Variants in CELF4 observed in about 807,000 individuals in gnomAD.
The protein encoded by CELF4 is CUGBP Elav-like family member 4, also known as CUG-BP- and ETR-3-like factor 4.
A neutral mutation model predicts 59.9 loss-of-function variants in CELF4; 18 were observed. That is an observed-to-expected ratio of 0.30 (90% CI 0.21 to 0.45). The LOEUF is 0.45. Among genes scored for constraint, CELF4 ranks in the 20% least tolerant of loss-of-function variants. The pLI is 1.00. For synonymous variants in CELF4, 261 were observed against 267.1 expected, an observed-to-expected ratio of 0.98 and a Z score of 0.22; for missense variants, 456 against 689.0, an observed-to-expected ratio of 0.66 and a Z score of 3.79.
intron 2 of CELF4, among the ~76,000 whole-genome samples, chr18:37,353,457 G>A (rs1483890395): frequency 6.6e-6 from 1 of 151,370 alleles, no homozygotes; most frequent in Non-Finnish European, 1.5e-5. Flanking sequence ...GGAGGTTGGT[G>A]TGGAGCTGGG....
Position 37,497,842 on chromosome 18 carries a change from C to T in CELF4, c.287-12235G>A, listed in dbSNP as rs144533696. Reference sequence around the variant, plus strand: ...ATTGTTCTAAGGGCTTTATATGTTTCGACTCATTTAATGTAAGTCTATAAA... The same window carrying T: ...ATTGTTCTAAGGGCTTTATATGTTTTGACTCATTTAATGTAAGTCTATAAA... On this transcript the variant is annotated intron_variant, in intron 1 of 12. Coordinates refer to ENST00000420428, the MANE Select transcript of CELF4 (RefSeq NM_020180.4). Among the ~76,000 whole-genome samples the T allele has an allele frequency of 1.2e-4, 18 of 152,174 alleles. No individual in the cohort carries two copies. In the East Asian group the frequency reaches 1.4e-3, roughly 11 times the overall value.
intron 1 of CELF4, among the ~76,000 whole-genome samples, chr18:37,521,617 T>G (rs1211379278): frequency 2.6e-5 from 4 of 152,224 alleles, no homozygotes; most frequent in Admixed American, 2.6e-4. Context: ...ATGCAAATCT[T>G]GATGCCCACA....
chr18:37,406,140 AT>A lies in CELF4; in HGVS notation c.369+79384del, dbSNP rs954629062. On this transcript the variant is annotated intron_variant, in intron 2 of 12. Coordinates refer to ENST00000420428, the MANE Select transcript of CELF4 (RefSeq NM_020180.4). ...GTGTTTGGTGCCCTGCTCCATTTTT[AT>A]TTTTTTTTAAACTCCCCTGCAGCCC... 1.6e-3 allele frequency among the ~76,000 whole-genome samples: 242 copies of A among 151,026 alleles called. 1 individual carries two copies. Among genetic ancestry groups the A allele is most frequent in the African/African-American group, 5.5e-3 (225 of 41,118 alleles).
rs141801918 is a variant in CELF4 at position 37,321,535 on chromosome 18, G to C, written c.448+268C>G. On this transcript the variant is annotated intron_variant, in intron 3 of 12. Coordinates refer to ENST00000420428, the MANE Select transcript of CELF4 (RefSeq NM_020180.4). ...ACCCTTTTGGGTGTTTTAATGGAGG[G>C]GAGAAGAATATCCTGGGACATGGCA... is the stretch of plus-strand genomic sequence containing the variant. Among the ~76,000 whole-genome samples the C allele has an allele frequency of 1.2e-3, 179 of 152,316 alleles. 1 individual carries two copies. The highest frequency in any genetic ancestry group is 3.9e-3 in the African/African-American group (161 of 41,572).
intron 2 of CELF4, among the ~76,000 whole-genome samples, chr18:37,340,187 G>A (rs866158096): frequency 6.6e-6 from 1 of 152,198 alleles, no homozygotes; most frequent in African/African-American, 2.4e-5. Context: ...AAATCTTGCC[G>A]AAGTGCAGCC....
intron 2 of CELF4, among the ~76,000 whole-genome samples, chr18:37,418,641 G>A (rs573626600): frequency 3.6e-4 from 55 of 152,310 alleles, no homozygotes; most frequent in African/African-American, 1.3e-3. Context: ...ACTTGGCCTC[G>A]CTTACATTTT....
chr18:37,446,840 A>G (rs1489550458), intron 2 of CELF4, among the ~76,000 whole-genome samples: 1 of 152,160 alleles, frequency 6.6e-6, no homozygotes, highest in Non-Finnish European at 1.5e-5. Context: ...CAATTAAGTC[A>G]GTACCACATT....
chr18:37,294,820 T>C (rs2095547106), intron 3 of CELF4, among the ~76,000 whole-genome samples: 1 of 152,210 alleles, frequency 6.6e-6, no homozygotes, highest in Non-Finnish European at 1.5e-5. Context: ...GGGGCCAGAT[T>C]TGATCTCCTT....
chr18:37,430,779 T>C (rs2099644486), intron 2 of CELF4, among the ~76,000 whole-genome samples: 1 of 152,162 alleles, frequency 6.6e-6, no homozygotes, highest in Non-Finnish European at 1.5e-5. Context: ...TCTAGTTGTG[T>C]CTCCCAGGGC....
intron 2 of CELF4, among the ~76,000 whole-genome samples, chr18:37,364,810 G>GA: frequency 6.6e-6 from 1 of 152,314 alleles, no homozygotes; most frequent in East Asian, 1.9e-4. Flanking sequence ...TGGGGTATGG[G>GA]AAAATAGAAA....
intron 3 of CELF4, among the ~76,000 whole-genome samples, chr18:37,281,648 A>C (rs2094152742): frequency 6.6e-6 from 1 of 152,182 alleles, no homozygotes; most frequent in African/African-American, 2.4e-5. Context: ...CCAGATATTC[A>C]TGATGACAGA....
At chr18:37,512,296 C>T (rs1603643098) in intron 1 of CELF4, among the ~76,000 whole-genome samples, 1 of 152,304 alleles carries the variant, frequency 6.6e-6, no homozygotes, top group African/African-American at 2.4e-5. Context: ...GGGGCCGTGT[C>T]GGCCACCCAC....
In CELF4 at chr18:37,253,804, C is replaced by T; in HGVS notation, c.*7G>A. On this transcript the variant is annotated 3_prime_UTR_variant, in exon 12 of 13. Coordinates refer to ENST00000420428, the MANE Select transcript of CELF4 (RefSeq NM_020180.4). This position sits in a 1 kb window ranked among gnomAD's most constrained non-coding sequence, Gnocchi z 4.5. ...TGGTCTCCCCCGGGGGACGCTCCCGCCGGCGCTCAGTACGGGCGATTGGCG... is the reference window on the plus strand; with the variant it reads ...TGGTCTCCCCCGGGGGACGCTCCCGTCGGCGCTCAGTACGGGCGATTGGCG... 6 of 1,595,592 alleles carry T rather than the reference C, an allele frequency of 3.8e-6. No homozygotes were observed. The highest frequency in any genetic ancestry group is 5.1e-6 in the Non-Finnish European group (6 of 1,171,180).
intron 2 of CELF4, among the ~76,000 whole-genome samples, chr18:37,323,744 C>A (rs1417773964): frequency 6.6e-6 from 1 of 152,230 alleles, no homozygotes; most frequent in Non-Finnish European, 1.5e-5. Context: ...CAGATTTCTA[C>A]AGCTTTTCTG....
In CELF4 at chr18:37,545,709, T is replaced by C. The variant is rs111982858; in HGVS notation, c.286+19647A>G. Among the ~76,000 whole-genome samples the C allele has an allele frequency of 7.2e-3, 1,089 of 152,006 alleles. 11 individuals carry two copies. The highest frequency in any genetic ancestry group is 0.025 in the African/African-American group (1,027 of 41,380). ...GCAGGGGCCTCTCTTTTCCTGTGGC[T>C]GCCCCGTCTCTCTCTCTCACTCTCA... On this transcript the variant is annotated intron_variant, in intron 1 of 12. Transcript: ENST00000420428.
chr18:37,403,603 G>A (rs531414407), intron 2 of CELF4, among the ~76,000 whole-genome samples: 105 of 152,284 alleles, frequency 6.9e-4, no homozygotes, highest in Non-Finnish European at 1.1e-3. Flanking sequence ...GTTGCTGTGC[G>A]GCCTGGCCCA....
intron 2 of CELF4, among the ~76,000 whole-genome samples, chr18:37,351,949 C>T (rs1449691111): frequency 6.6e-6 from 1 of 152,150 alleles, no homozygotes; most frequent in Non-Finnish European, 1.5e-5. Context: ...ATATTTTTCA[C>T]TACTCAGGGG....
intron 1 of CELF4, among the ~76,000 whole-genome samples, chr18:37,535,686 G>A (rs1251160928): frequency 1.3e-5 from 2 of 152,158 alleles, no homozygotes; most frequent in Admixed American, 6.5e-5. Context: ...TTCTGAACAC[G>A]GGATTCAAGC....
At chr18:37,563,492 T>C (rs2099987191) in intron 1 of CELF4, among the ~76,000 whole-genome samples, 1 of 152,046 alleles carries the variant, frequency 6.6e-6, no homozygotes, top group Non-Finnish European at 1.5e-5. Flanking sequence ...ATAACAAAGG[T>C]TTGATACAAA....
Sources: gnomAD v4.1 joint callset for allele counts (sites outside exome capture counted in the v4.1 genomes callset) on GRCh38, gnomAD v4.1.1 for gene constraint, Gnocchi (gnomAD v3.1) non-coding constraint, MANE v1.5 for transcripts, NCBI Gene and HGNC (gene_info 2026-07-23, HGNC 2026-07-21) for gene names.